ZNF609: variants seen among roughly 807,000 people sequenced by gnomAD.
ZNF609 encodes the protein zinc finger protein 609.
ZNF609 carries 11 observed loss-of-function variants against 109.5 expected under a neutral mutation model. The ratio of observed to expected loss-of-function variants is 0.10; its 90% CI spans 0.06 to 0.17. ZNF609 has a LOEUF of 0.17. Among genes scored for constraint, ZNF609 ranks in the 10% least tolerant of loss-of-function variants. The probability of loss-of-function intolerance (pLI) is 1.00; values close to 1 mark genes in which losing one functional copy is unlikely to be tolerated. For synonymous variants in ZNF609, 646 were observed against 662.0 expected, an observed-to-expected ratio of 0.98 and a Z score of 0.37; for missense variants, 1,559 against 1,772.4, an observed-to-expected ratio of 0.88 and a Z score of 2.16.
chr15:64,464,149 C>A (rs1413047202), intron 1 of ZNF609, among the ~76,000 whole-genome samples: 2 of 152,118 alleles, frequency 1.3e-5, no homozygotes, highest in African/African-American at 4.8e-5. Flanking sequence ...ATTTTGGCTC[C>A]TGGTAGCAAT....
chr15:64,680,145 C>T (rs1298256214), intron 6 of ZNF609, 40 bp from the exon 7 acceptor site: 5 of 1,604,406 alleles, frequency 3.1e-6, no homozygotes, highest in Non-Finnish European at 4.3e-6. Flanking sequence ...TTTCCTCTAC[C>T]TCTCCCATCT....
At chr15:64,666,655 G>C (rs1376944044) in intron 3 of ZNF609, among the ~76,000 whole-genome samples, 1 of 151,650 alleles carries the variant, frequency 6.6e-6, no homozygotes, top group Non-Finnish European at 1.5e-5. Flanking sequence ...GGGACTACAG[G>C]CGCCCACCAC....
intron 2 of ZNF609, among the ~76,000 whole-genome samples, chr15:64,603,034 C>T (rs540913800): frequency 2.7e-5 from 4 of 150,532 alleles, no homozygotes; most frequent in Admixed American, 1.3e-4. Context: ...CGTGAGCTGC[C>T]GTGCCCGGCA....
intron 2 of ZNF609, among the ~76,000 whole-genome samples, chr15:64,566,873 C>T (rs1894785323): frequency 1.3e-5 from 2 of 152,122 alleles, no homozygotes; most frequent in African/African-American, 4.8e-5. Flanking sequence ...CCATTCTCTT[C>T]CAGGTCATGG....
chr15:64,586,530 G>A (rs184554179), intron 2 of ZNF609, among the ~76,000 whole-genome samples: 59 of 152,164 alleles, frequency 3.9e-4, no homozygotes, highest in Admixed American at 1.4e-3. Flanking sequence ...ATAGGAGCGG[G>A]AACCCTATTG....
intron 2 of ZNF609, among the ~76,000 whole-genome samples, chr15:64,553,800 A>ATG (rs1894530228): frequency 6.6e-6 from 1 of 151,780 alleles, no homozygotes; most frequent in South Asian, 2.1e-4. Context: ...GGGTTTCATC[A>ATG]TGTTGGCCAG....
chr15:64,609,480 C>T (rs374972576), intron 2 of ZNF609, among the ~76,000 whole-genome samples: 10 of 150,470 alleles, frequency 6.6e-5, no homozygotes, highest in South Asian at 2.1e-4. Flanking sequence ...CGCGCCCGGC[C>T]GTATTTTTTT....
intron 3 of ZNF609, among the ~76,000 whole-genome samples, chr15:64,656,252 T>C (rs781314508): frequency 2.0e-5 from 3 of 151,974 alleles, no homozygotes; most frequent in Non-Finnish European, 4.4e-5. Context: ...TTAGTAGATA[T>C]GGGGTTTTAC....
chr15:64,590,721 A>T (rs994908919), intron 2 of ZNF609, among the ~76,000 whole-genome samples: 1 of 151,924 alleles, frequency 6.6e-6, no homozygotes, highest in African/African-American at 2.4e-5. Context: ...TAGAGTAGTC[A>T]TGTAACCCAG....
chr15:64,506,510 C>T (rs564280022), intron 2 of ZNF609, among the ~76,000 whole-genome samples: 10 of 150,966 alleles, frequency 6.6e-5, no homozygotes, highest in African/African-American at 2.4e-4. Context: ...CACCTGAGGT[C>T]GGGAGTTCGA....
chr15:64,671,752 G>A (rs1313527980), intron 4 of ZNF609, among the ~76,000 whole-genome samples: 1 of 152,110 alleles, frequency 6.6e-6, no homozygotes, highest in Non-Finnish European at 1.5e-5. Context: ...GCAGTCACAA[G>A]TTTCTTTGTT....
At chr15:64,587,351 C>A (rs887402313) in intron 2 of ZNF609, among the ~76,000 whole-genome samples, 8 of 149,508 alleles carry the variant, frequency 5.4e-5, no homozygotes, top group African/African-American at 1.2e-4. Context: ...CTACCCTGAC[C>A]GTGTCATATC....
At chr15:64,673,484 A>G (rs1896764760) in intron 4 of ZNF609, among the ~76,000 whole-genome samples, 1 of 152,218 alleles carries the variant, frequency 6.6e-6, no homozygotes, top group Non-Finnish European at 1.5e-5. Context: ...ACCTTTCTAT[A>G]TCTTCATAGT....
At chr15:64,635,638 T>C (rs1280425697) in intron 3 of ZNF609, among the ~76,000 whole-genome samples, 2 of 152,208 alleles carry the variant, frequency 1.3e-5, no homozygotes, top group Non-Finnish European at 2.9e-5. Context: ...GTCTTAGTGC[T>C]TACACTGCTA....
intron 1 of ZNF609, among the ~76,000 whole-genome samples, chr15:64,471,953 C>T (rs1025340949): frequency 6.6e-6 from 1 of 151,856 alleles, no homozygotes; most frequent in African/African-American, 2.4e-5. Context: ...CTCTGTCACC[C>T]AGGCAGGAGT....
chr15:64,566,571 T>C (rs1055520740), intron 2 of ZNF609, among the ~76,000 whole-genome samples: 1 of 152,226 alleles, frequency 6.6e-6, no homozygotes. Context: ...TCTAGCCATT[T>C]CTTAAAAGGC....
chr15:64,662,799 G>A (rs1896599071), intron 3 of ZNF609, among the ~76,000 whole-genome samples: 1 of 152,010 alleles, frequency 6.6e-6, no homozygotes, highest in Non-Finnish European at 1.5e-5. Flanking sequence ...CTCAGGAGCT[G>A]GGATTACAGG....
chr15:64,673,766 A>T, intron 4 of ZNF609, 150 bp from the exon 5 acceptor site: 2 of 864,740 alleles, frequency 2.3e-6, no homozygotes, highest in African/African-American at 1.7e-5. Context: ...TTCACCATTT[A>T]GTGCAATTCA....
At position 64,681,916 on chromosome 15, in the gene ZNF609, A is replaced by G. The variant is rs1378781755; in HGVS notation, c.*230A>G. On this transcript the variant is annotated 3_prime_UTR_variant, in exon 10 of 10. Transcript: ENST00000326648. ...TGGAGAGCTGGTACTTAGCAAAAAT[A>G]TTTATTCTCTCAGCCACAGTTATGA... 8 of 153,334 alleles carry G rather than the reference A, an allele frequency of 5.2e-5. No individual in the cohort carries two copies. Among genetic ancestry groups the G allele is most frequent in the African/African-American group, 1.9e-4 (8 of 41,406 alleles). 9.5% of individuals were successfully genotyped at this position (153,334 alleles called of 1,614,324 possible). A position where few individuals can be genotyped will look rare whatever the true frequency, so the allele number is the denominator to read the frequency against.
Sources: gnomAD v4.1 joint callset for allele counts (sites outside exome capture counted in the v4.1 genomes callset) on GRCh38, gnomAD v4.1.1 for gene constraint, MANE v1.5 for transcripts, NCBI Gene and HGNC (gene_info 2026-07-23, HGNC 2026-07-21) for gene names.